STYX: variants seen among roughly 807,000 people sequenced by gnomAD.
STYX encodes serine/threonine/tyrosine-interacting protein.
STYX carries 20 observed loss-of-function variants against 42.7 expected under a neutral mutation model. The ratio of observed to expected loss-of-function variants is 0.47; its 90% CI spans 0.33 to 0.68. The LOEUF is 0.68. Among genes scored for constraint, STYX ranks in the 30% least tolerant of loss-of-function variants. The probability of loss-of-function intolerance (pLI) is 0.02; values close to 1 mark genes in which losing one functional copy is unlikely to be tolerated. For missense variants in STYX, 226 were observed against 268.5 expected (o/e 0.84, Z 1.11); for synonymous variants, 78 against 81.9 (o/e 0.95, Z 0.26).
At chr14:52,768,318 C>G (rs1002678574) in intron 9 of STYX, among the ~76,000 whole-genome samples, 3 of 152,136 alleles carry the variant, frequency 2.0e-5, no homozygotes, top group Non-Finnish European at 4.4e-5. Flanking sequence ...TGCCGCTTCT[C>G]AGGCACAAAT....
Position 52,771,790 on chromosome 14 carries a change from A to G in STYX, c.*684A>G, listed in dbSNP as rs887352025. The G allele has an allele frequency of 7.2e-5, 11 of 152,356 alleles. No individual in the cohort carries two copies. The highest frequency in any genetic ancestry group is 2.4e-4 in the African/African-American group (10 of 41,400). 9.4% of individuals were successfully genotyped at this position (152,356 alleles called of 1,614,324 possible). ...TTCTTATTACTTTCCTAATTTTTCT[A>G]TATTTTAAAAACTACAGTTTCCATG... is the stretch of plus-strand genomic sequence containing the variant. On this transcript the variant is annotated 3_prime_UTR_variant, in exon 11 of 11. Coordinates refer to ENST00000354586, the MANE Select transcript of STYX (RefSeq NM_145251.4).
At chr14:52,737,469 G>A (rs1272719631) in intron 1 of STYX, among the ~76,000 whole-genome samples, 1 of 152,152 alleles carries the variant, frequency 6.6e-6, no homozygotes, top group Non-Finnish European at 1.5e-5. Flanking sequence ...GGGTTATTTT[G>A]GTTTATCTGG....
intron 9 of STYX, among the ~76,000 whole-genome samples, chr14:52,764,500 C>A (rs1594881963): frequency 6.6e-6 from 1 of 151,964 alleles, no homozygotes; most frequent in Non-Finnish European, 1.5e-5. Flanking sequence ...GAATTTAACC[C>A]ACTTTCATTT....
intron 4 of STYX, among the ~76,000 whole-genome samples, chr14:52,755,711 A>G (rs1217558675): frequency 8.6e-6 from 1 of 116,654 alleles, no homozygotes; most frequent in African/African-American, 3.3e-5. Context: ...TTTCCCCTTT[A>G]CTAAAGATGA....
chr14:52,734,511 C>A (rs986104306), intron 1 of STYX, among the ~76,000 whole-genome samples: 1 of 152,074 alleles, frequency 6.6e-6, no homozygotes, highest in Admixed American at 6.6e-5. Context: ...CAGGTTTGAT[C>A]AAAAATAGTG....
intron 1 of STYX, among the ~76,000 whole-genome samples, chr14:52,742,820 G>A (rs1167371526): frequency 4.0e-5 from 6 of 149,818 alleles, no homozygotes; most frequent in Non-Finnish European, 8.9e-5. Context: ...TTTTGAGATG[G>A]AGTTTCACTG....
At chr14:52,756,675 C>A in intron 5 of STYX, 64 bp downstream of exon 5, 1 of 67,876 alleles carries the variant, frequency 1.5e-5, no homozygotes. Flanking sequence ...CTTAGTTGTG[C>A]TTTTTTTTTT....
intron 10 of STYX, among the ~76,000 whole-genome samples, chr14:52,769,970 TCTGCATTTCAGAAAACAA>T (rs1388056501): frequency 6.6e-6 from 1 of 152,152 alleles, no homozygotes; most frequent in African/African-American, 2.4e-5. Flanking sequence ...CTTCTTTATG[TCTGCATTTCAGAAAACAA>T]CTGCTGATGG....
chr14:52,772,371 G>T lies in STYX; in HGVS notation c.*1265G>T, dbSNP rs1299964585. On this transcript the variant is annotated 3_prime_UTR_variant, in exon 11 of 11. Coordinates refer to ENST00000354586, the MANE Select transcript of STYX (RefSeq NM_145251.4). ...CCATTCTTGACATTCAGTTAGTCCA[G>T]ATCTGCCCCATAATTTGCTTTAGTA... is the stretch of plus-strand genomic sequence containing the variant. The T allele has an allele frequency of 6.6e-6, 1 of 152,400 alleles. No homozygotes were observed. The highest frequency in any genetic ancestry group is 2.4e-5 in the African/African-American group (1 of 41,440). 9.4% of individuals were successfully genotyped at this position (152,400 alleles called of 1,614,324 possible). A position where few individuals can be genotyped will look rare whatever the true frequency, so the allele number is the denominator to read the frequency against.
At chr14:52,754,749 TAAG>T (rs965804788) in intron 4 of STYX, among the ~76,000 whole-genome samples, 5 of 152,156 alleles carry the variant, frequency 3.3e-5, no homozygotes, top group African/African-American at 9.6e-5. Context: ...AAACTAATCT[TAAG>T]AAAAAACAAA....
chr14:52,740,441 T>A (rs959967322), intron 1 of STYX, among the ~76,000 whole-genome samples: 3 of 152,240 alleles, frequency 2.0e-5, no homozygotes, highest in African/African-American at 7.2e-5. Flanking sequence ...GTAAAGTTCA[T>A]TCTTACATTG....
intron 9 of STYX, among the ~76,000 whole-genome samples, chr14:52,766,843 CTT>C (rs1211127004): frequency 2.8e-5 from 4 of 143,322 alleles, no homozygotes; most frequent in African/African-American, 1.0e-4. Flanking sequence ...CAGCTTTGTT[CTT>C]TTTTTTTTTT....
At chr14:52,736,173 AC>A (rs1405319367) in intron 1 of STYX, among the ~76,000 whole-genome samples, 3 of 151,804 alleles carry the variant, frequency 2.0e-5, no homozygotes, top group African/African-American at 7.3e-5. Flanking sequence ...CACCTTCCTT[AC>A]CCTCACCTAA....
intron 1 of STYX, among the ~76,000 whole-genome samples, chr14:52,740,571 A>G (rs1405637410): frequency 6.6e-6 from 1 of 152,228 alleles, no homozygotes; most frequent in East Asian, 1.9e-4. Flanking sequence ...CCCTTCTTCA[A>G]AGAACATTTT....
intron 8 of STYX, 85 bp downstream of exon 8, chr14:52,758,009 C>CT: frequency 7.1e-7 from 1 of 1,413,526 alleles, no homozygotes; most frequent in Admixed American, 2.0e-5. Context: ...GTTTGAAGTT[C>CT]TTATTCCCCT....
chr14:52,758,833 C>T (rs1356263646), intron 8 of STYX, among the ~76,000 whole-genome samples: 1 of 152,120 alleles, frequency 6.6e-6, no homozygotes. Flanking sequence ...CTCGGCCTCC[C>T]AAGGTGCTGG....
At chr14:52,740,709 C>T (rs1566670116) in intron 1 of STYX, among the ~76,000 whole-genome samples, 1 of 152,100 alleles carries the variant, frequency 6.6e-6, no homozygotes, top group Non-Finnish European at 1.5e-5. Context: ...AGTCAGTGTC[C>T]ATCTGATTGT....
intron 4 of STYX, among the ~76,000 whole-genome samples, chr14:52,753,824 TG>T (rs1398591285): frequency 1.3e-5 from 2 of 151,788 alleles, no homozygotes; most frequent in Non-Finnish European, 2.9e-5. Flanking sequence ...ACTTTTGTAG[TG>T]TTTTTTTTTT....
At chr14:52,762,169 C>T (rs1425867687) in intron 9 of STYX, among the ~76,000 whole-genome samples, 1 of 152,038 alleles carries the variant, frequency 6.6e-6, no homozygotes, top group South Asian at 2.1e-4. Flanking sequence ...CGTGAGCCAC[C>T]ACTCCTGGCC....
Sources: allele counts gnomAD v4.1 joint callset (sites outside exome capture counted in the v4.1 genomes callset), GRCh38; gene constraint gnomAD v4.1.1; transcripts MANE v1.5; gene names NCBI Gene and HGNC (gene_info 2026-07-23, HGNC 2026-07-21).